CSNK2A2IP: variants seen among roughly 807,000 people sequenced by gnomAD.
The protein encoded by CSNK2A2IP is casein kinase 2 subunit alpha' interacting protein.
chr3:88,365,914 T>C, the CSNK2A2IP span, among the ~76,000 whole-genome samples: 179 of 152,288 alleles, frequency 1.2e-3, no homozygotes, highest in African/African-American at 4.1e-3. Context: ...ATTATTATTA[T>C]CATTTTAATG....
chr3:88,441,364 A>C, the CSNK2A2IP span, among the ~76,000 whole-genome samples: 1 of 152,156 alleles, frequency 6.6e-6, no homozygotes, highest in Non-Finnish European at 1.5e-5. Flanking sequence ...TGTGGGAAGA[A>C]AAATAAAGAA....
chr3:88,377,414 GCTT>G, the CSNK2A2IP span, among the ~76,000 whole-genome samples: 1 of 151,386 alleles, frequency 6.6e-6, no homozygotes, highest in Non-Finnish European at 1.5e-5. Context: ...ACATTTGTCT[GCTT>G]CTCTACATTT....
At chr3:88,437,097 G>GA in the CSNK2A2IP span, among the ~76,000 whole-genome samples, 2 of 151,998 alleles carry the variant, frequency 1.3e-5, no homozygotes, top group East Asian at 1.9e-4. Context: ...ATTAATTACA[G>GA]AAAAAAATTG....
At chr3:88,356,053 A>G in the CSNK2A2IP span, among the ~76,000 whole-genome samples, 1 of 152,086 alleles carries the variant, frequency 6.6e-6, no homozygotes, top group Non-Finnish European at 1.5e-5. Flanking sequence ...GGTTATTGGG[A>G]AATCTAACAC....
At chr3:88,440,171 A>G in the CSNK2A2IP span, among the ~76,000 whole-genome samples, 1 of 152,166 alleles carries the variant, frequency 6.6e-6, no homozygotes, top group African/African-American at 2.4e-5. Flanking sequence ...ACATTTGTAA[A>G]ATTTTCTTAT....
At chr3:88,395,700 A>T in the CSNK2A2IP span, among the ~76,000 whole-genome samples, 5 of 152,242 alleles carry the variant, frequency 3.3e-5, no homozygotes, top group African/African-American at 7.2e-5. Flanking sequence ...TTTGGGAAGA[A>T]TCAACATTTT....
chr3:88,465,011 A>T, the CSNK2A2IP span: 1 of 171,392 alleles, frequency 5.8e-6, no homozygotes, highest in African/African-American at 2.4e-5. Flanking sequence ...TGCTGTAGTC[A>T]CTACAAGAAA....
At chr3:88,377,044 C>T in the CSNK2A2IP span, among the ~76,000 whole-genome samples, 6 of 151,800 alleles carry the variant, frequency 4.0e-5, no homozygotes, top group African/African-American at 1.2e-4. Flanking sequence ...TTAAAAATCC[C>T]GTTCTCCACC....
the CSNK2A2IP span, among the ~76,000 whole-genome samples, chr3:88,446,070 C>T: frequency 2.4e-4 from 26 of 108,498 alleles, no homozygotes; most frequent in East Asian, 5.1e-4. Context: ...TTCTTTCTTT[C>T]TTTCTTTCTT....
At chr3:88,407,752 CT>C in the CSNK2A2IP span, among the ~76,000 whole-genome samples, 1 of 151,720 alleles carries the variant, frequency 6.6e-6, no homozygotes, top group Non-Finnish European at 1.5e-5. Context: ...GAAATGGAGT[CT>C]TGCTCAGCCA....
chr3:88,392,831 C>T, the CSNK2A2IP span, among the ~76,000 whole-genome samples: 1 of 152,042 alleles, frequency 6.6e-6, no homozygotes, highest in Non-Finnish European at 1.5e-5. Context: ...AGGACAGATG[C>T]TTTTGTTTTA....
At chr3:88,349,942 A>G in the CSNK2A2IP span, among the ~76,000 whole-genome samples, 4 of 152,046 alleles carry the variant, frequency 2.6e-5, no homozygotes, top group African/African-American at 7.2e-5. Flanking sequence ...ACTTCTTACA[A>G]TACTGTGGTA....
At chr3:88,362,443 C>T in the CSNK2A2IP span, among the ~76,000 whole-genome samples, 1 of 152,070 alleles carries the variant, frequency 6.6e-6, no homozygotes, top group Non-Finnish European at 1.5e-5. Flanking sequence ...CTCTTTCTTC[C>T]CTCACTCTTC....
the CSNK2A2IP span, among the ~76,000 whole-genome samples, chr3:88,396,237 C>T: frequency 6.6e-6 from 1 of 151,302 alleles, no homozygotes; most frequent in Non-Finnish European, 1.5e-5. Flanking sequence ...TCCCGAGTAG[C>T]TGGGACTACA....
At chr3:88,438,369 A>T in the CSNK2A2IP span, among the ~76,000 whole-genome samples, 1 of 152,156 alleles carries the variant, frequency 6.6e-6, no homozygotes, top group Non-Finnish European at 1.5e-5. Context: ...TCTCCTGTTT[A>T]CCTTTCTCCC....
the CSNK2A2IP span, among the ~76,000 whole-genome samples, chr3:88,351,649 A>T: frequency 6.6e-6 from 1 of 152,116 alleles, no homozygotes; most frequent in Non-Finnish European, 1.5e-5. Context: ...GTCATTTCCC[A>T]TGCCAAATAT....
chr3:88,457,611 C>T, the CSNK2A2IP span, among the ~76,000 whole-genome samples: 3 of 151,654 alleles, frequency 2.0e-5, no homozygotes, highest in Admixed American at 6.6e-5. Flanking sequence ...GCAGGAGAAT[C>T]GCTTGAACTG....
chr3:88,403,569 C>G, the CSNK2A2IP span, among the ~76,000 whole-genome samples: 2 of 152,146 alleles, frequency 1.3e-5, no homozygotes, highest in Admixed American at 1.3e-4. Flanking sequence ...CAGCCCATCA[C>G]AGACAGCCAT....
the CSNK2A2IP span, among the ~76,000 whole-genome samples, chr3:88,349,992 T>C: frequency 6.6e-6 from 1 of 152,130 alleles, no homozygotes; most frequent in African/African-American, 2.4e-5. Context: ...TTGTTTCTGG[T>C]CTTCAGGATC....
Sources: gnomAD v4.1 joint callset for allele counts (sites outside exome capture counted in the v4.1 genomes callset) on GRCh38, gnomAD v4.1.1 for gene constraint, MANE v1.5 for transcripts, NCBI Gene and HGNC (gene_info 2026-07-23, HGNC 2026-07-21) for gene names.